Variants in NIN observed in about 807,000 individuals in gnomAD.
NIN encodes the protein ninein.
In NIN, 137 loss-of-function variants were observed where a neutral mutation model predicts 257.6. That is an observed-to-expected ratio of 0.53 (90% CI 0.46 to 0.61). The LOEUF is 0.61. Ranked by LOEUF, NIN falls within the 20% of genes least tolerant of loss-of-function variation. The pLI is 0.00. For missense variants in NIN, 2,439 were observed against 2,501.2 expected (o/e 0.98, Z 0.53); for synonymous variants, 918 against 919.8 (o/e 1.00, Z 0.04).
chr14:50,794,385 G>T, intron 4 of NIN: 1 of 458,904 alleles, frequency 2.2e-6, no homozygotes, highest in Non-Finnish European at 2.9e-6. Context: ...TACAGGAAGT[G>T]TTTAAGCATA....
chr14:50,808,644 T>C (rs2142229150), intron 3 of NIN, among the ~76,000 whole-genome samples: 1 of 152,348 alleles, frequency 6.6e-6, no homozygotes, highest in South Asian at 2.1e-4. Context: ...CCAGGCATTG[T>C]ACTTGGCCCT....
rs886273992 is a variant in NIN at position 50,752,792 on chromosome 14, A to C, written c.4735-59T>G. On this transcript the variant is annotated intron_variant, in intron 20 of 30. Transcript: ENST00000530997. ...TTACCCTACTTGTGCTAAAAAAAAA[A>C]AAAAACAGATTTAGAGACATAATTG... is the stretch of plus-strand genomic sequence containing the variant. 7 of 978,644 alleles carry C rather than the reference A, an allele frequency of 7.2e-6. No homozygotes were observed. In the African/African-American group the frequency reaches 1.2e-4, roughly 16 times the overall value. 60.6% of individuals were successfully genotyped at this position (978,644 alleles called of 1,614,324 possible).
In NIN at chr14:50,760,182, CATG is replaced by C; in HGVS notation, c.2071_2073del (p.His691del). Reference sequence around the variant, plus strand: ...TCCTCCTCATGCCTGCAAGTGGCCTCATGATGTGCCTCCTTGAGCACTGCTGCT... The same window carrying C: ...TCCTCCTCATGCCTGCAAGTGGCCTCATGTGCCTCCTTGAGCACTGCTGCT... On this transcript the variant is annotated inframe_deletion, in exon 17 of 31. Coordinates refer to ENST00000530997, the MANE Select transcript of NIN (RefSeq NM_020921.4). The C allele has an allele frequency of 6.2e-7, 1 of 1,614,126 alleles. No homozygotes were observed. Among genetic ancestry groups the C allele is most frequent in the Non-Finnish European group, 8.5e-7 (1 of 1,180,044 alleles).
chr14:50,809,153 G>A (rs1566870349), intron 3 of NIN, among the ~76,000 whole-genome samples: 1 of 152,288 alleles, frequency 6.6e-6, no homozygotes, highest in South Asian at 2.1e-4. Context: ...CTTGGGAGGT[G>A]TAGGTTGCAG....
rs2040241449 is a variant in NIN at position 50,719,972 on chromosome 14, T to G, written c.*3491A>C. 1 of 216,226 alleles carries G rather than the reference T, an allele frequency of 4.6e-6. No individual in the cohort carries two copies. Among genetic ancestry groups the G allele is most frequent in the Admixed American group, 5.8e-5 (1 of 17,190 alleles). The allele number at this position is 216,226 out of a possible 1,614,324, so 13.4% of individuals were successfully genotyped here. ...AGAGATGGCTTTAGATAATCTGTTTTTCCTTCACAAACCAATGTTCCCTTA... is the reference window on the plus strand; with the variant it reads ...AGAGATGGCTTTAGATAATCTGTTTGTCCTTCACAAACCAATGTTCCCTTA... On this transcript the variant is annotated 3_prime_UTR_variant, in exon 31 of 31. Coordinates refer to ENST00000530997, the MANE Select transcript of NIN (RefSeq NM_020921.4).
chr14:50,737,136 G>C (rs2041018400), intron 27 of NIN, among the ~76,000 whole-genome samples: 1 of 152,120 alleles, frequency 6.6e-6, no homozygotes, highest in Non-Finnish European at 1.5e-5. Context: ...TATGTCACTC[G>C]CAGGATTAGA....
rs1427403814 is a variant in NIN at position 50,720,304 on chromosome 14, C to A, written c.*3159G>T. The A allele has an allele frequency of 2.3e-5, 5 of 220,750 alleles. No homozygotes were observed. The highest frequency in any genetic ancestry group is 4.5e-5 in the Non-Finnish European group (5 of 110,348). 13.7% of individuals were successfully genotyped at this position (220,750 alleles called of 1,614,324 possible). A position where few individuals can be genotyped will look rare whatever the true frequency, so the allele number is the denominator to read the frequency against. ...TACTATCACAAAGCACTTAGCCTTG[C>A]CTTGACTGGAAATACCTTTAAGATG... On this transcript the variant is annotated 3_prime_UTR_variant, in exon 31 of 31. Coordinates refer to ENST00000530997, the MANE Select transcript of NIN (RefSeq NM_020921.4).
rs541007150 is a variant in NIN at position 50,771,367 on chromosome 14, A to G, written c.1083T>C (p.Ala361=). The G allele has an allele frequency of 3.7e-6, 6 of 1,614,200 alleles. No individual in the cohort carries two copies. In the South Asian group the frequency reaches 6.6e-5, roughly 18 times the overall value. The change falls in exon 10 of 31, where the codon GCT becomes GCC. Residue 361 remains alanine (A), a synonymous_variant. Transcript: ENST00000530997. ...LVTKNSIHQA[A]LASFKAEIRH... is the part of the protein sequence containing the mutation. ...GGATTTCAGCCTTAAAGCTGGCCAG[A>G]GCCGCCTGGTGAATGCTGTTCTTGG...
rs927780742 is a variant in NIN at position 50,761,832 on chromosome 14, ATGT to A, written c.1851_1853del (p.Gln617del). The A allele has an allele frequency of 1.2e-6, 2 of 1,614,054 alleles. No individual in the cohort carries two copies. On this transcript the variant is annotated inframe_deletion, in exon 16 of 31. Transcript: ENST00000530997. ...GTCTGAGGCAACATATGTCCCTGTG[ATGT>A]TGTTCTTTCATCTGTTCAATGACCA...
chr14:50,783,319 G>C (rs533460231), intron 5 of NIN, among the ~76,000 whole-genome samples: 7 of 151,834 alleles, frequency 4.6e-5, no homozygotes, highest in Non-Finnish European at 8.8e-5. Context: ...GCCTCCCAAA[G>C]TGTTGGGATT....
intron 21 of NIN, among the ~76,000 whole-genome samples, chr14:50,749,676 C>G (rs2041704992): frequency 1.3e-5 from 2 of 151,968 alleles, no homozygotes. Flanking sequence ...AATATGGACT[C>G]ATTTATTTAT....
chr14:50,752,424 C>A (rs2041826457), intron 21 of NIN, 94 bp downstream of exon 21: 3 of 936,480 alleles, frequency 3.2e-6, no homozygotes, highest in South Asian at 1.6e-5. Flanking sequence ...GTTTTAATTA[C>A]TAAGGCTTTA....
rs752155088 is a variant in NIN at position 50,772,462 on chromosome 14, C to T, written c.820G>A (p.Asp274Asn). ...LKRHLSMQSF[D>N]ESGRRTTTSS... ...GTTGTGGTACGTCGTCCACTCTCAT[C>T]GAAAGACTGGAAGGAGGAAGAGACT... Residue 274 changes from aspartate to asparagine, a missense_variant, in exon 9 of 31, where the codon GAT becomes AAT. Physicochemically the swap from Asp to Asn is conservative, Grantham distance 23. Around this residue, in one of 3 missense-constraint regions of NIN, gnomAD observed 387 missense variants for 427.3 expected, o/e 0.91. Coordinates refer to ENST00000530997, the MANE Select transcript of NIN (RefSeq NM_020921.4). 1.4e-5 allele frequency: 23 copies of T among 1,613,886 alleles called. No individual in the cohort carries two copies. Among genetic ancestry groups the T allele is most frequent in the Middle Eastern group, 1.6e-4 (1 of 6,080 alleles).
intron 22 of NIN, among the ~76,000 whole-genome samples, chr14:50,746,570 G>C (rs905852484): frequency 6.6e-6 from 1 of 152,108 alleles, no homozygotes; most frequent in African/African-American, 2.4e-5. Context: ...TCCACATTCA[G>C]GAAAGGACAA....
At chr14:50,828,155 ATT>A (rs1220262380) in intron 2 of NIN, among the ~76,000 whole-genome samples, 2 of 151,804 alleles carry the variant, frequency 1.3e-5, no homozygotes, top group African/African-American at 4.8e-5. Context: ...CTTAAGCCAT[ATT>A]GACTCACATT....
rs1201568629 is a variant in NIN at position 50,747,300 on chromosome 14, C to T, written c.5064+692G>A. ...TCAGTTTCTTCAGTGCCTCACAAAT[C>T]AGTGTGAACAGAATTAGAAAAGTTA... On this transcript the variant is annotated intron_variant, in intron 22 of 30. Transcript: ENST00000530997. Among the ~76,000 whole-genome samples the T allele has an allele frequency of 2.6e-5, 4 of 152,196 alleles. No individual in the cohort carries two copies. The South Asian group carries it at 8.3e-4, about 32-fold the overall frequency.
intron 15 of NIN, among the ~76,000 whole-genome samples, 188 bp downstream of exon 15, chr14:50,763,638 C>T (rs918091721): frequency 6.6e-6 from 1 of 152,082 alleles, no homozygotes; most frequent in African/African-American, 2.4e-5. Context: ...TGGAAATGTT[C>T]TCATAAAAAC....
chr14:50,758,001 G>T lies in NIN; in HGVS notation c.3029C>A (p.Thr1010Lys). The change falls in exon 18 of 31, where the codon ACA (threonine) becomes AAA (lysine). Residue 1010 changes from threonine to lysine, a missense_variant. This residue lies in a region of NIN where 2,043 missense variants were observed against 2,050.2 expected (regional missense o/e 1.00). Transcript: ENST00000530997. ...TTTACTCTGAAGTCTGGAGATTTCT[G>T]TGCTCATCTCGGCTCTTTCTCGATC... ...TADRERAEMS[T>K]EISRLQSKIK... The T allele has an allele frequency of 1.2e-6, 2 of 1,614,194 alleles. No individual in the cohort carries two copies. Among genetic ancestry groups the T allele is most frequent in the Middle Eastern group, 1.6e-4 (1 of 6,062 alleles).
At chr14:50,803,440 G>C (rs1254614720) in intron 4 of NIN, among the ~76,000 whole-genome samples, 2 of 152,220 alleles carry the variant, frequency 1.3e-5, no homozygotes, top group Admixed American at 6.5e-5. Context: ...GAGGACACAG[G>C]CATCCCTGTC....
Sources: gnomAD v4.1 joint callset for allele counts (sites outside exome capture counted in the v4.1 genomes callset) on GRCh38, gnomAD v4.1.1 for gene constraint, gnomAD v4.1.1 regional missense constraint, MANE v1.5 for transcripts, NCBI Gene and HGNC (gene_info 2026-07-23, HGNC 2026-07-21) for gene names.